SLC17A6: variants seen among roughly 807,000 people sequenced by gnomAD.
SLC17A6 encodes vesicular glutamate transporter 2.
In SLC17A6, 35 loss-of-function variants were observed where a neutral mutation model predicts 67.1. That is an observed-to-expected ratio of 0.52 (90% confidence interval 0.40 to 0.69). The LOEUF is 0.69. Among genes scored for constraint, SLC17A6 ranks in the 30% least tolerant of loss-of-function variants. The pLI is 0.00. For synonymous variants in SLC17A6, 285 were observed against 252.3 expected, an observed-to-expected ratio of 1.13 and a Z score of -1.23; for missense variants, 588 against 723.9, an observed-to-expected ratio of 0.81 and a Z score of 2.15.
chr11:22,348,406 G>A (rs545427134), intron 3 of SLC17A6, among the ~76,000 whole-genome samples: 2 of 152,278 alleles, frequency 1.3e-5, no homozygotes, highest in East Asian at 3.9e-4. Context: ...TTGTGTGTGT[G>A]TGTACTGGCT....
intron 6 of SLC17A6, 96 bp downstream of exon 6, chr11:22,362,921 T>C: frequency 1.2e-6 from 1 of 834,454 alleles, no homozygotes; most frequent in Non-Finnish European, 2.0e-6. Flanking sequence ...AATACATTTC[T>C]ATGTTTACTT....
chr11:22,348,185 C>T (rs188134318), intron 3 of SLC17A6, among the ~76,000 whole-genome samples: 3 of 152,082 alleles, frequency 2.0e-5, no homozygotes, highest in Admixed American at 6.5e-5. Context: ...GGTACCTTTA[C>T]AATGAAATTT....
intron 3 of SLC17A6, among the ~76,000 whole-genome samples, chr11:22,350,921 T>G (rs916218224): frequency 6.6e-6 from 1 of 152,172 alleles, no homozygotes; most frequent in Admixed American, 6.5e-5. Context: ...CTAGAGTATT[T>G]CATTGATAGT....
chr11:22,347,515 AG>A (rs1157739174), intron 3 of SLC17A6, among the ~76,000 whole-genome samples: 1 of 149,342 alleles, frequency 6.7e-6, no homozygotes, highest in African/African-American at 2.5e-5. Context: ...GGAAAAAAAA[AG>A]GAAGGAATAA....
At chr11:22,358,730 A>G (rs1472803364) in intron 3 of SLC17A6, among the ~76,000 whole-genome samples, 1 of 152,068 alleles carries the variant, frequency 6.6e-6, no homozygotes, top group East Asian at 1.9e-4. Context: ...TTTTTCTTGA[A>G]TGGTTGTATG....
chr11:22,346,713 A>G (rs569748494), intron 3 of SLC17A6, among the ~76,000 whole-genome samples: 69 of 151,774 alleles, frequency 4.5e-4, no homozygotes, highest in African/African-American at 1.6e-3. Flanking sequence ...AGTAATCCAG[A>G]TATTTACAAA....
In SLC17A6 at chr11:22,362,756, G is replaced by C; in HGVS notation, c.679G>C (p.Val227Leu). ...CACTTTAGGTTCCTATGCCGGAGCT[G>C]TGATTGCAATGCCTTTAGCTGGCAT... ...TSFCGSYAGA[V>L]IAMPLAGILV... The change falls in exon 6 of 12, where the codon GTG becomes CTG. Residue 227 changes from valine to leucine, a missense_variant. By Grantham distance (32) the Val-to-Leu change is conservative. Coordinates refer to ENST00000263160, the MANE Select transcript of SLC17A6 (RefSeq NM_020346.3). 6.2e-7 allele frequency: 1 copy of C among 1,613,790 alleles called. No individual in the cohort carries two copies. The highest frequency in any genetic ancestry group is 8.5e-7 in the Non-Finnish European group (1 of 1,179,690).
chr11:22,348,982 T>G (rs1212595585), intron 3 of SLC17A6, among the ~76,000 whole-genome samples: 1 of 152,140 alleles, frequency 6.6e-6, no homozygotes, highest in Non-Finnish European at 1.5e-5. Flanking sequence ...GTGCTTTTAT[T>G]TATTTGTTGG....
chr11:22,343,473 G>T, intron 3 of SLC17A6, 108 bp downstream of exon 3: 1 of 887,292 alleles, frequency 1.1e-6, no homozygotes, highest in Admixed American at 2.6e-5. Context: ...GAGGACTCCC[G>T]GGCGAAGTCT....
At chr11:22,340,822 G>A (rs922566986) in intron 1 of SLC17A6, among the ~76,000 whole-genome samples, 2 of 152,172 alleles carry the variant, frequency 1.3e-5, no homozygotes, top group Non-Finnish European at 2.9e-5. Context: ...GCCCTGGGGC[G>A]GGATGAAGGG....
chr11:22,367,093 T>C (rs1054571486), intron 7 of SLC17A6, among the ~76,000 whole-genome samples: 1 of 151,298 alleles, frequency 6.6e-6, no homozygotes, highest in East Asian at 1.9e-4. Flanking sequence ...TGATCAATGA[T>C]AGTTTCCTTA....
At chr11:22,362,701 T>A (rs1036235018) in intron 5 of SLC17A6, 38 bp from the exon 6 acceptor site, 3 of 1,515,064 alleles carry the variant, frequency 2.0e-6, no homozygotes, top group African/African-American at 1.4e-5. Flanking sequence ...TTTCTACTGA[T>A]TTCACTCACC....
chr11:22,365,811 T>G lies in SLC17A6; in HGVS notation c.891+122T>G, dbSNP rs568289904. On this transcript the variant is annotated intron_variant, in intron 7 of 11. Transcript: ENST00000263160. ...ATTTGGTATCAATCATAACTTCTTT[T>G]ATTTTGGTCCATCCATATTCTCTGA... 3.9e-5 allele frequency: 41 copies of G among 1,049,144 alleles called. No individual in the cohort carries two copies. In the Admixed American group the frequency reaches 1.1e-3, roughly 28 times the overall value. 65.0% of individuals were successfully genotyped at this position (1,049,144 alleles called of 1,614,324 possible).
chr11:22,345,375 G>C (rs934396555), intron 3 of SLC17A6, among the ~76,000 whole-genome samples: 26 of 150,354 alleles, frequency 1.7e-4, no homozygotes, highest in Admixed American at 1.1e-3. Context: ...GCAGTGGCAC[G>C]AACTGGGCTC....
intron 3 of SLC17A6, among the ~76,000 whole-genome samples, chr11:22,344,925 G>A (rs748075187): frequency 2.0e-5 from 3 of 151,742 alleles, no homozygotes; most frequent in Non-Finnish European, 4.4e-5. Flanking sequence ...TTAAAACAAA[G>A]TTTTCAGAAA....
chr11:22,374,641 T>A (rs1856212433), intron 8 of SLC17A6, 114 bp from the exon 9 acceptor site: 2 of 846,548 alleles, frequency 2.4e-6, no homozygotes, highest in African/African-American at 3.5e-5. Flanking sequence ...GGAAAGATTA[T>A]TTTTCCTTCC....
chr11:22,377,631 C>A lies in SLC17A6; in HGVS notation c.1640C>A (p.Thr547Lys). The A allele has an allele frequency of 1.2e-6, 2 of 1,614,026 alleles. No individual in the cohort carries two copies. The highest frequency in any genetic ancestry group is 1.7e-6 in the Non-Finnish European group (2 of 1,179,950). Residue 547 changes from threonine (T) to lysine (K), a missense_variant, in exon 12 of 12, where the codon ACA becomes AAA. Thr to Lys is a moderately conservative substitution (Grantham distance 78, BLOSUM62 -1). Coordinates refer to ENST00000263160, the MANE Select transcript of SLC17A6 (RefSeq NM_020346.3). Reference protein sequence around the residue: ...NYGTTKSYGATTQANGGWPSG... With the variant: ...NYGTTKSYGAKTQANGGWPSG... Reference sequence around the variant, plus strand: ...GGTACCACCAAGTCTTATGGTGCCACAACACAGGCCAATGGAGGTTGGCCT... The same window carrying A: ...GGTACCACCAAGTCTTATGGTGCCAAAACACAGGCCAATGGAGGTTGGCCT...
intron 1 of SLC17A6, among the ~76,000 whole-genome samples, chr11:22,339,207 TAGAGAG>T (rs1204278305): frequency 7.2e-6 from 1 of 139,384 alleles, no homozygotes; most frequent in African/African-American, 2.7e-5. Context: ...ATATATATGT[TAGAGAG>T]AGAGAGAAAG....
intron 2 of SLC17A6, 72 bp downstream of exon 2, chr11:22,341,852 G>A (rs1371293424): frequency 5.2e-6 from 8 of 1,539,610 alleles, no homozygotes; most frequent in African/African-American, 1.4e-5. Flanking sequence ...TCTCCTGTTT[G>A]AGCCCCGTTC....
Sources: gnomAD v4.1 joint callset for allele counts (sites outside exome capture counted in the v4.1 genomes callset) on GRCh38, gnomAD v4.1.1 for gene constraint, MANE v1.5 for transcripts, NCBI Gene and HGNC (gene_info 2026-07-23, HGNC 2026-07-21) for gene names.